Variants in EEF2 observed in about 807,000 individuals in gnomAD.
EEF2 encodes eukaryotic translation elongation factor 2.
EEF2 carries 21 observed loss-of-function variants against 85.3 expected under a neutral mutation model. The observed-to-expected ratio is 0.25, with a 90% CI of 0.17 to 0.35. EEF2 has a LOEUF of 0.35. Ranked by LOEUF, EEF2 falls within the 10% of genes least tolerant of loss-of-function variation. EEF2 has a pLI of 1.00. For missense variants in EEF2, 825 were observed against 1,225.3 expected (o/e 0.67, Z 4.88); for synonymous variants, 723 against 508.8 (o/e 1.42, Z -5.67).
intron 2 of EEF2, 148 bp from the exon 3 acceptor site, chr19:3,983,439 C>T (rs768545928): frequency 1.2e-6 from 1 of 860,800 alleles, no homozygotes; most frequent in Non-Finnish European, 1.7e-6. Flanking sequence ...TTGTCCTTTG[C>T]CTCTGTCCGA....
At chr19:3,984,472 C>G in intron 1 of EEF2, 122 bp from the exon 2 acceptor site, 1 of 1,037,172 alleles carries the variant, frequency 9.6e-7, no homozygotes, top group African/African-American at 1.6e-5. Context: ...CTGGGGTGCC[C>G]CAAGCCCACC....
In EEF2 at chr19:3,980,077, C is replaced by G; in HGVS notation, c.1347-11G>C. The G allele has an allele frequency of 6.2e-7, 1 of 1,608,432 alleles. No homozygotes were observed. Among genetic ancestry groups the G allele is most frequent in the Middle Eastern group, 1.7e-4 (1 of 6,046 alleles). Reference sequence around the variant, plus strand: ...ATCATCAAGATTGTTCTGGAAGAAGCAGAAGGCGGCAGCAGGCCGCAGGGA... The same window carrying G: ...ATCATCAAGATTGTTCTGGAAGAAGGAGAAGGCGGCAGCAGGCCGCAGGGA... On this transcript the variant is annotated splice_polypyrimidine_tract_variant and intron_variant, in intron 9 of 14. Transcript: ENST00000309311.
In EEF2 at chr19:3,980,720, G is replaced by C. The variant is rs757216029; in HGVS notation, c.1151-11C>G. 3.1e-6 allele frequency: 5 copies of C among 1,610,908 alleles called. No homozygotes were observed. The Admixed American group carries it at 5.0e-5, about 16-fold the overall frequency. ...CACAGCTTTTAATGCCTGAGGGACA[G>C]AGAAAACCCGCAAGCTTTATTCCAG... On this transcript the variant is annotated splice_polypyrimidine_tract_variant and intron_variant, in intron 8 of 14. Coordinates refer to ENST00000309311, the MANE Select transcript of EEF2 (RefSeq NM_001961.4).
At chr19:3,985,108 T>C (rs2039803486) in intron 1 of EEF2, 2 of 389,512 alleles carry the variant, frequency 5.1e-6, no homozygotes, top group South Asian at 1.4e-4. Flanking sequence ...GCCTGCCACA[T>C]CATCATTCCC....
chr19:3,980,974 C>A lies in EEF2; in HGVS notation c.1017G>T (p.Val339=), dbSNP rs1477473041. 6.4e-7 allele frequency: 1 copy of A among 1,571,782 alleles called. No homozygotes were observed. ...DKEGKPLLKA[V]MRRWLPAGDA... ...CTCCGGCAGGCAGCCAGCGGCGCATCACAGCCTGCGGGGGCAGAGAGCGGT... is the reference window on the plus strand; with the variant it reads ...CTCCGGCAGGCAGCCAGCGGCGCATAACAGCCTGCGGGGGCAGAGAGCGGT... Residue 339 remains valine (V), a synonymous_variant, in exon 8 of 15, where the codon GTG becomes GTT. Coordinates refer to ENST00000309311, the MANE Select transcript of EEF2 (RefSeq NM_001961.4).
In EEF2 at chr19:3,980,967, G is replaced by A; in HGVS notation, c.1024C>T (p.Arg342Cys). ...GKPLLKAVMRRWLPAGDALLQ... is the reference protein window; with the variant it reads ...GKPLLKAVMRCWLPAGDALLQ... ...AAGGCGTCTCCGGCAGGCAGCCAGC[G>A]GCGCATCACAGCCTGCGGGGGCAGA... Residue 342 changes from arginine to cysteine, a missense_variant, in exon 8 of 15, where the codon CGC becomes TGC. Physicochemically the swap from Arg to Cys is radical, Grantham distance 180. Coordinates refer to ENST00000309311, the MANE Select transcript of EEF2 (RefSeq NM_001961.4). The A allele has an allele frequency of 8.3e-6, 13 of 1,573,530 alleles. No individual in the cohort carries two copies. Among genetic ancestry groups the A allele is most frequent in the East Asian group, 2.3e-5 (1 of 42,944 alleles).
intron 2 of EEF2, 49 bp downstream of exon 2, chr19:3,984,087 G>T: frequency 6.3e-7 from 1 of 1,593,752 alleles, no homozygotes; most frequent in Non-Finnish European, 8.6e-7. Flanking sequence ...GCCTCCAGCT[G>T]CCAGGCCAGC....
In EEF2 at chr19:3,977,391, A is replaced by G. The variant is rs537182273; in HGVS notation, c.2250+37T>C. ...AACCTGTCAGTGGCCGCTGGGCAGGACGGTGGCAGGGTCAGCGGTGGGCGG... is the reference window on the plus strand; with the variant it reads ...AACCTGTCAGTGGCCGCTGGGCAGGGCGGTGGCAGGGTCAGCGGTGGGCGG... On this transcript the variant is annotated intron_variant, in intron 13 of 14. Transcript: ENST00000309311. This position sits in a 1 kb window ranked among gnomAD's most constrained non-coding sequence, Gnocchi z 5.4. The G allele has an allele frequency of 4.4e-6, 7 of 1,591,950 alleles. No homozygotes were observed. In the African/African-American group the frequency reaches 8.0e-5, roughly 18 times the overall value.
chr19:3,984,464 G>C, intron 1 of EEF2, 114 bp from the exon 2 acceptor site: 1 of 1,170,820 alleles, frequency 8.5e-7, no homozygotes, highest in East Asian at 2.4e-5. Context: ...GGTTGGTGCT[G>C]GGGTGCCCCA....
Position 3,982,042 on chromosome 19 carries a change from G to C in EEF2, c.802C>G (p.Pro268Ala), listed in dbSNP as rs986172650. The change falls in exon 6 of 15, where the codon CCA (proline) becomes GCA (alanine). Residue 268 changes from proline to alanine, a missense_variant. Physicochemically the swap from Pro to Ala is conservative, Grantham distance 27. Transcript: ENST00000309311. ...KKLWGDRYFD[P>A]ANGKFSKSAT... ...GACTTGCTGAACTTGCCGTTGGCTG[G>C]GTCAAAGTACCTGGCAAGGAGAGGC... 2 of 1,614,126 alleles carry C rather than the reference G, an allele frequency of 1.2e-6. No homozygotes were observed. The highest frequency in any genetic ancestry group is 2.2e-5 in the East Asian group (1 of 44,882).
Position 3,979,293 on chromosome 19 carries a change from G to C in EEF2, c.1713+36C>G, listed in dbSNP as rs759700703. The C allele has an allele frequency of 1.9e-6, 3 of 1,557,362 alleles. No homozygotes were observed. The African/African-American group carries it at 4.1e-5, about 21-fold the overall frequency. On this transcript the variant is annotated intron_variant, in intron 11 of 14. Transcript: ENST00000309311. ...TTAAAGCAGAGGGCAGGTGTCCGGG[G>C]TGGGGCGTGGGGAAGGCTGGTCACT...
In EEF2 at chr19:3,980,599, C is replaced by G. The variant is rs1299287459; in HGVS notation, c.1261G>C (p.Val421Leu). The G allele has an allele frequency of 6.2e-7, 1 of 1,614,230 alleles. No homozygotes were observed. Among genetic ancestry groups the G allele is most frequent in the Admixed American group, 1.7e-5 (1 of 60,030 alleles). ...ATCCTGACCTTCAGGCCAGTGGAGA[C>G]CAGCCCCGAGAAGACTCGTCCAAAG... ...YAFGRVFSGLVSTGLKVRIMG... is the reference protein window; with the variant it reads ...YAFGRVFSGLLSTGLKVRIMG... The change falls in exon 9 of 15, where the codon GTC becomes CTC. Residue 421 changes from valine (V) to leucine (L), a missense_variant. Coordinates refer to ENST00000309311, the MANE Select transcript of EEF2 (RefSeq NM_001961.4).
chr19:3,985,440 A>C lies in EEF2; in HGVS notation c.-60T>G. Reference sequence around the variant, plus strand: ...CCGAAAGAAGCGAGTCGCGCCGAGGATGGCGGCGACGACGGCGGAAGAGAA... The same window carrying C: ...CCGAAAGAAGCGAGTCGCGCCGAGGCTGGCGGCGACGACGGCGGAAGAGAA... On this transcript the variant is annotated 5_prime_UTR_variant, in exon 1 of 15. Coordinates refer to ENST00000309311, the MANE Select transcript of EEF2 (RefSeq NM_001961.4). 6 of 1,449,108 alleles carry C rather than the reference A, an allele frequency of 4.1e-6. No homozygotes were observed. Among genetic ancestry groups the C allele is most frequent in the African/African-American group, 1.5e-5 (1 of 68,650 alleles). 89.8% of individuals were successfully genotyped at this position (1,449,108 alleles called of 1,614,324 possible). A position where few individuals can be genotyped will look rare whatever the true frequency, so the allele number is the denominator to read the frequency against.
rs1376786008 is a variant in EEF2, at chr19:3,980,600, C to T, written c.1260G>A (p.Leu420=). The T allele has an allele frequency of 6.2e-7, 1 of 1,614,212 alleles. No individual in the cohort carries two copies. The highest frequency in any genetic ancestry group is 1.7e-5 in the Admixed American group (1 of 60,026). Reference sequence around the variant, plus strand: ...TCCTGACCTTCAGGCCAGTGGAGACCAGCCCCGAGAAGACTCGTCCAAAGG... The same window carrying T: ...TCCTGACCTTCAGGCCAGTGGAGACTAGCCCCGAGAAGACTCGTCCAAAGG... The part of the protein sequence containing the change: ...FYAFGRVFSG[L]VSTGLKVRIM... The change falls in exon 9 of 15, where the codon CTG becomes CTA. Residue 420 remains leucine (L), a synonymous_variant. Coordinates refer to ENST00000309311, the MANE Select transcript of EEF2 (RefSeq NM_001961.4).
chr19:3,982,710 AAC>A, intron 4 of EEF2, 95 bp downstream of exon 4: 1 of 1,382,868 alleles, frequency 7.2e-7, no homozygotes, highest in Non-Finnish European at 9.9e-7. Flanking sequence ...TCCTGGCAAA[AAC>A]ACACTTCCAG....
In EEF2 at chr19:3,976,514, T is replaced by C. The variant is rs1351804443; in HGVS notation, c.*40A>G. On this transcript the variant is annotated 3_prime_UTR_variant, in exon 15 of 15. Coordinates refer to ENST00000309311, the MANE Select transcript of EEF2 (RefSeq NM_001961.4). ...TTCGAGGACGTGGTGCTGTGGGTGC[T>C]GCGAGTCCCCGGGGCGGCAGGCGCT... 6.4e-7 allele frequency: 1 copy of C among 1,564,708 alleles called. No homozygotes were observed. Among genetic ancestry groups the C allele is most frequent in the South Asian group, 1.2e-5 (1 of 85,826 alleles).
intron 11 of EEF2, among the ~76,000 whole-genome samples, chr19:3,979,010 C>T (rs1220282736): frequency 4.0e-5 from 6 of 151,526 alleles, no homozygotes; most frequent in African/African-American, 1.5e-4. Flanking sequence ...CGCCTGTAGT[C>T]CCAGTTACTC....
chr19:3,983,986 G>A lies in EEF2; in HGVS notation c.218+150C>T, dbSNP rs182474259. On this transcript the variant is annotated intron_variant, in intron 2 of 14. Coordinates refer to ENST00000309311, the MANE Select transcript of EEF2 (RefSeq NM_001961.4). Reference sequence around the variant, plus strand: ...TCCCTGTGCCTCTCCATCCTGTCTCGCTGGACTGAACCTCACTCATTCTCC... The same window carrying A: ...TCCCTGTGCCTCTCCATCCTGTCTCACTGGACTGAACCTCACTCATTCTCC... 521 of 806,862 alleles carry A rather than the reference G, an allele frequency of 6.5e-4. 2 individuals carry two copies. The Admixed American group carries it at 7.7e-3, about 12-fold the overall frequency. The allele number at this position is 806,862 out of a possible 1,614,324, so 50.0% of individuals were successfully genotyped here. A position where few individuals can be genotyped will look rare whatever the true frequency, so the allele number is the denominator to read the frequency against.
At position 3,977,642 on chromosome 19, in the gene EEF2, C is replaced by T. The variant is rs763648838; in HGVS notation, c.2068-32G>A. The stretch of plus-strand genomic sequence containing the variant: ...GAGGGGGAGAGCCACCGTCAAGGGC[C>T]GGACACACCTCGGCTGCTTGCCCTC... On this transcript the variant is annotated intron_variant, in intron 12 of 14. Coordinates refer to ENST00000309311, the MANE Select transcript of EEF2 (RefSeq NM_001961.4). The surrounding 1 kb of genome is among the most constrained non-coding windows in gnomAD (Gnocchi z 5.4). The T allele has an allele frequency of 1.6e-5, 24 of 1,492,050 alleles. No individual in the cohort carries two copies. Among genetic ancestry groups the T allele is most frequent in the Admixed American group, 2.3e-5 (1 of 44,160 alleles). 92.4% of individuals were successfully genotyped at this position (1,492,050 alleles called of 1,614,324 possible). A position where few individuals can be genotyped will look rare whatever the true frequency, so the allele number is the denominator to read the frequency against.
Sources: allele counts gnomAD v4.1 joint callset (sites outside exome capture counted in the v4.1 genomes callset), GRCh38; gene constraint gnomAD v4.1.1; non-coding constraint Gnocchi (gnomAD v3.1); transcripts MANE v1.5; gene names NCBI Gene and HGNC (gene_info 2026-07-23, HGNC 2026-07-21).